Variants in SLC15A1 observed in about 807,000 individuals in gnomAD.
The protein encoded by SLC15A1 is solute carrier family 15 member 1.
SLC15A1 carries 83 observed loss-of-function variants against 92.9 expected under a neutral mutation model. That is an observed-to-expected ratio of 0.89 (90% CI 0.75 to 1.07). The LOEUF is 1.07. Ranked by LOEUF, SLC15A1 falls within the 50% of genes least tolerant of loss-of-function variation. The pLI is 0.00. For missense variants in SLC15A1, 857 were observed against 880.1 expected (o/e 0.97, Z 0.33); for synonymous variants, 322 against 318.2 (o/e 1.01, Z -0.13).
chr13:98,725,476 G>C (rs2088291017), intron 4 of SLC15A1, among the ~76,000 whole-genome samples: 1 of 152,148 alleles, frequency 6.6e-6, no homozygotes, highest in South Asian at 2.1e-4. Flanking sequence ...CAGCAGCCAA[G>C]GGGGTATTTT....
chr13:98,748,331 C>T (rs1404821219), intron 1 of SLC15A1, among the ~76,000 whole-genome samples: 1 of 152,116 alleles, frequency 6.6e-6, no homozygotes, highest in Non-Finnish European at 1.5e-5. Context: ...TTCTCTGTTG[C>T]CCAGGCTGGA....
intron 18 of SLC15A1, among the ~76,000 whole-genome samples, chr13:98,691,173 A>G (rs2087972701): frequency 1.3e-5 from 2 of 152,010 alleles, no homozygotes; most frequent in African/African-American, 4.8e-5. Flanking sequence ...ACTCCCAAAT[A>G]GCTGGGACTA....
intron 21 of SLC15A1, 107 bp downstream of exon 21, chr13:98,687,474 T>C: frequency 1.5e-6 from 2 of 1,361,272 alleles, no homozygotes; most frequent in African/African-American, 1.5e-5. Context: ...TAATGCTTTC[T>C]AGACTTTTTA....
chr13:98,737,273 C>T (rs1005341461), intron 1 of SLC15A1, among the ~76,000 whole-genome samples: 19 of 152,284 alleles, frequency 1.2e-4, no homozygotes, highest in African/African-American at 4.3e-4. Flanking sequence ...TGTTCTCACT[C>T]ATAGGTGGGA....
At chr13:98,713,027 TA>T (rs1470835347) in intron 9 of SLC15A1, among the ~76,000 whole-genome samples, 1 of 152,200 alleles carries the variant, frequency 6.6e-6, no homozygotes, top group Non-Finnish European at 1.5e-5. Context: ...ATCCAGAGAA[TA>T]TTTTACACTT....
chr13:98,747,327 T>A (rs918634116), intron 1 of SLC15A1, among the ~76,000 whole-genome samples: 1 of 152,190 alleles, frequency 6.6e-6, no homozygotes, highest in African/African-American at 2.4e-5. Context: ...CACTTTCTCA[T>A]CCTGCAAAGC....
At chr13:98,752,401 C>A (rs2088554164) in intron 1 of SLC15A1, among the ~76,000 whole-genome samples, 194 bp downstream of exon 1, 1 of 152,142 alleles carries the variant, frequency 6.6e-6, no homozygotes, top group African/African-American at 2.4e-5. Flanking sequence ...CTCTGGCTTC[C>A]GCGCCCCGGC....
chr13:98,711,711 T>G, intron 11 of SLC15A1, 143 bp downstream of exon 11: 1 of 603,538 alleles, frequency 1.7e-6, no homozygotes, highest in South Asian at 2.2e-5. Context: ...CTCAATGTGA[T>G]CTAACAATTA....
intron 22 of SLC15A1, among the ~76,000 whole-genome samples, chr13:98,685,717 G>T (rs539028302): frequency 9.2e-5 from 14 of 152,280 alleles, no homozygotes; most frequent in Non-Finnish European, 1.8e-4. Context: ...ATCAGGCCAG[G>T]TGCAGTGGCT....
intron 9 of SLC15A1, among the ~76,000 whole-genome samples, chr13:98,714,419 G>C (rs535061342): frequency 1.3e-5 from 2 of 152,196 alleles, no homozygotes; most frequent in African/African-American, 4.8e-5. Flanking sequence ...CACTTTGGGA[G>C]GCTGAGGCGG....
intron 1 of SLC15A1, among the ~76,000 whole-genome samples, chr13:98,727,637 T>G (rs886204460): frequency 6.6e-6 from 1 of 152,160 alleles, no homozygotes; most frequent in African/African-American, 2.4e-5. Context: ...CTCATCCCCA[T>G]CCCGTCAGCA....
rs55817470 is a variant in SLC15A1, at chr13:98,693,087, GTTTTTTTTTTTT to G, written c.1467-4522_1467-4511del. On this transcript the variant is annotated intron_variant, in intron 18 of 22. Coordinates refer to ENST00000376503, the MANE Select transcript of SLC15A1 (RefSeq NM_005073.4). ...CTTAACAACACTTGTTATTGTCTAC[GTTTTTTTTTTTT>G]TTTTTTTTTTTTTTTGAGACGGAGT... 8.9e-3 allele frequency among the ~76,000 whole-genome samples: 517 copies of G among 58,066 alleles called. 6 individuals are homozygous for G. Among genetic ancestry groups the G allele is most frequent in the Admixed American group, 0.013 (46 of 3,640 alleles). The allele number at this position is 58,066 out of a possible 152,430, so 38.1% of individuals were successfully genotyped here. A position where few individuals can be genotyped will look rare whatever the true frequency, so the allele number is the denominator to read the frequency against.
At chr13:98,711,362 C>T (rs1181206245) in intron 11 of SLC15A1, among the ~76,000 whole-genome samples, 2 of 152,146 alleles carry the variant, frequency 1.3e-5, no homozygotes, top group Non-Finnish European at 2.9e-5. Context: ...AACAGGTCAC[C>T]TGCCAGGTTG....
chr13:98,690,036 T>C (rs1020310641), intron 18 of SLC15A1, among the ~76,000 whole-genome samples: 1 of 152,162 alleles, frequency 6.6e-6, no homozygotes, highest in East Asian at 1.9e-4. Flanking sequence ...GAAACTCTCA[T>C]ACAACCCTAG....
At position 98,730,717 on chromosome 13, in the gene SLC15A1, C is replaced by G. The variant is rs375388784; in HGVS notation, c.5-3858G>C. Among the ~76,000 whole-genome samples, 117 of 152,374 alleles carry G rather than the reference C, an allele frequency of 7.7e-4. 1 individual carries two copies. Among genetic ancestry groups the G allele is most frequent in the African/African-American group, 2.8e-3 (115 of 41,596 alleles). Reference sequence around the variant, plus strand: ...TCCTCAGCGCCTCCGCGCCGCTTCCCACAGAGGGGAAATTCAGTGTTTGTG... The same window carrying G: ...TCCTCAGCGCCTCCGCGCCGCTTCCGACAGAGGGGAAATTCAGTGTTTGTG... On this transcript the variant is annotated intron_variant, in intron 1 of 22. Transcript: ENST00000376503.
chr13:98,698,153 C>A (rs1438106874), intron 18 of SLC15A1, among the ~76,000 whole-genome samples: 1 of 152,154 alleles, frequency 6.6e-6, no homozygotes, highest in African/African-American at 2.4e-5. Context: ...GAGAGTCCAA[C>A]GCACCTGGAT....
At position 98,683,854 on chromosome 13, in the gene SLC15A1, G is replaced by T. The variant is rs779362209; in HGVS notation, c.*870C>A. ...TGAAACTTCAAAAAAATCATTACTG[G>T]CCTTCACCTGAGCTGTCTTTCGAGT... On this transcript the variant is annotated 3_prime_UTR_variant, in exon 23 of 23. Transcript: ENST00000376503. 9 of 152,128 alleles carry T rather than the reference G, an allele frequency of 5.9e-5. No individual in the cohort carries two copies. The highest frequency in any genetic ancestry group is 1.3e-4 in the Non-Finnish European group (9 of 68,028). The allele number at this position is 152,128 out of a possible 1,614,324, so 9.4% of individuals were successfully genotyped here. A position where few individuals can be genotyped will look rare whatever the true frequency, so the allele number is the denominator to read the frequency against.
chr13:98,709,486 G>A (rs1388566460), intron 14 of SLC15A1, 86 bp downstream of exon 14: 7 of 1,032,110 alleles, frequency 6.8e-6, no homozygotes, highest in Admixed American at 4.0e-5. Flanking sequence ...GCGAGGTTGC[G>A]GGAAGGGCTG....
chr13:98,725,073 G>A (rs2088288063), intron 4 of SLC15A1, among the ~76,000 whole-genome samples: 2 of 152,082 alleles, frequency 1.3e-5, no homozygotes, highest in African/African-American at 4.8e-5. Context: ...AAAAGAGCCT[G>A]ACACTTCCCT....
Sources: gnomAD v4.1 joint callset for allele counts (sites outside exome capture counted in the v4.1 genomes callset) on GRCh38, gnomAD v4.1.1 for gene constraint, MANE v1.5 for transcripts, NCBI Gene and HGNC (gene_info 2026-07-23, HGNC 2026-07-21) for gene names.